RSPH6A: variants seen among roughly 807,000 people sequenced by gnomAD.
The protein encoded by RSPH6A is radial spoke head 6 homolog A.
RSPH6A carries 49 observed loss-of-function variants against 66.1 expected under a neutral mutation model. The observed-to-expected ratio is 0.74, with a 90% CI of 0.59 to 0.94. The LOEUF (loss-of-function observed/expected upper bound fraction) is 0.94. Ranked by LOEUF, RSPH6A falls within the 40% of genes least tolerant of loss-of-function variation. The probability of loss-of-function intolerance (pLI) is 0.00; values close to 1 mark genes in which losing one functional copy is unlikely to be tolerated. For synonymous variants in RSPH6A, 419 were observed against 402.4 expected (o/e 1.04, Z -0.49); for missense variants, 977 against 948.3 (o/e 1.03, Z -0.40).
intron 4 of RSPH6A, among the ~76,000 whole-genome samples, chr19:45,801,446 A>G (rs960628680): frequency 2.0e-5 from 3 of 152,108 alleles, no homozygotes; most frequent in Non-Finnish European, 2.9e-5. Flanking sequence ...AACCTTAAAA[A>G]ATTCCTGTCC....
rs1970682595 is a variant in RSPH6A, at chr19:45,814,844, G to A, written c.333C>T (p.Val111=). The A allele has an allele frequency of 6.2e-7, 1 of 1,613,958 alleles. No homozygotes were observed. The highest frequency in any genetic ancestry group is 1.7e-5 in the Admixed American group (1 of 60,004). The part of the protein sequence containing the change: ...QPYSDESRMQ[V]AELTTSLMLQ... ...GCATTAGGCTGGTGGTGAGCTCGGCGACCTGCATCCTGCTTTCATCAGAGT... is the reference window on the plus strand; with the variant it reads ...GCATTAGGCTGGTGGTGAGCTCGGCAACCTGCATCCTGCTTTCATCAGAGT... The change falls in exon 1 of 6, where the codon GTC becomes GTT. Residue 111 remains valine, a synonymous_variant. Transcript: ENST00000221538.
In RSPH6A at chr19:45,796,020, T is replaced by C. The variant is rs1334030911; in HGVS notation, c.2003A>G (p.Glu668Gly). 6.2e-7 allele frequency: 1 copy of C among 1,613,854 alleles called. No homozygotes were observed. The highest frequency in any genetic ancestry group is 1.1e-5 in the South Asian group (1 of 91,054). The change falls in exon 6 of 6, where the codon GAG (glutamate) becomes GGG (glycine). Residue 668 changes from glutamate to glycine, a missense_variant. Transcript: ENST00000221538. ...CATGATCTCTGGGCCACTGGGGTAC[T>C]CTTGTTGAATGGGGGCTGGCAGGGC... ...NPALPAPIQQ[E>G]YPSGPEIMEM...
At chr19:45,799,730 C>T (rs1970446931) in intron 5 of RSPH6A, among the ~76,000 whole-genome samples, 1 of 151,852 alleles carries the variant, frequency 6.6e-6, no homozygotes, top group African/African-American at 2.4e-5. Context: ...AGGTTTCTGC[C>T]CCATAGAGAG....
intron 2 of RSPH6A, 78 bp downstream of exon 2, chr19:45,810,525 C>G: frequency 7.3e-7 from 1 of 1,368,008 alleles, no homozygotes; most frequent in Non-Finnish European, 1.0e-6. Context: ...GCCTCCAGGC[C>G]TTGGCACAGG....
chr19:45,812,148 G>GTGGCTCGGTCT (rs1307017285), intron 1 of RSPH6A, among the ~76,000 whole-genome samples: 3 of 151,552 alleles, frequency 2.0e-5, no homozygotes, highest in Non-Finnish European at 4.4e-5. Flanking sequence ...CTGGAGTGCA[G>GTGGCTCGGTCT]TGGCTCGGTC....
Position 45,804,458 on chromosome 19 carries a change from C to T in RSPH6A, c.1447G>A (p.Ala483Thr). Residue 483 changes from alanine (A) to threonine (T), a missense_variant, in exon 3 of 6, where the codon GCC becomes ACC. Coordinates refer to ENST00000221538, the MANE Select transcript of RSPH6A (RefSeq NM_030785.4). This position sits in a 1 kb window ranked among gnomAD's most constrained non-coding sequence, Gnocchi z 5.8. ...GCGGCCGAGATGCGGGCTATCTGGG[C>T]CCGCAGGTAGTTGGCCTCGTTGCCC... ...FPGNEANYLR[A>T]QIARISAATQ... 4 of 1,614,046 alleles carry T rather than the reference C, an allele frequency of 2.5e-6. No homozygotes were observed. The highest frequency in any genetic ancestry group is 2.2e-5 in the East Asian group (1 of 44,874).
rs757972143 is a variant in RSPH6A at position 45,796,110 on chromosome 19, G to A, written c.1917-4C>T. ...GATGTAGATGTTCTCAAACTTTCTG[G>A]AGAAGCAGTGAGACACTGTGAAATT... On this transcript the variant is annotated splice_region_variant and splice_polypyrimidine_tract_variant and intron_variant, in intron 5 of 5. Transcript: ENST00000221538. 1 of 1,545,898 alleles carries A rather than the reference G, an allele frequency of 6.5e-7. No individual in the cohort carries two copies. Among genetic ancestry groups the A allele is most frequent in the Non-Finnish European group, 8.8e-7 (1 of 1,141,118 alleles).
intron 3 of RSPH6A, among the ~76,000 whole-genome samples, chr19:45,803,766 G>C (rs1314211393): frequency 6.6e-6 from 1 of 151,596 alleles, no homozygotes; most frequent in Admixed American, 6.6e-5. Context: ...GCCAAGGTAG[G>C]CAGATTGTCT....
rs753394317 is a variant in RSPH6A at position 45,804,381 on chromosome 19, G to A, written c.1524C>T (p.Asp508=). 3.8e-5 allele frequency: 62 copies of A among 1,613,836 alleles called. No homozygotes were observed. Among genetic ancestry groups the A allele is most frequent in the Non-Finnish European group, 4.8e-5 (57 of 1,179,982 alleles). ...GCCCAGCACCACCTTCCTCCTCCTCGTCGCCCTCCTCCTCACTAAACTGGT... is the reference window on the plus strand; with the variant it reads ...GCCCAGCACCACCTTCCTCCTCCTCATCGCCCTCCTCCTCACTAAACTGGT... ...GFYQFSEEEG[D]EEEEGGAGRD... is the part of the protein sequence containing the mutation. The change falls in exon 3 of 6, where the codon GAC becomes GAT. Residue 508 remains aspartate (D), a synonymous_variant. Transcript: ENST00000221538. The surrounding 1 kb of genome is among the most constrained non-coding windows in gnomAD (Gnocchi z 5.8).
chr19:45,802,004 G>A, intron 4 of RSPH6A, 116 bp downstream of exon 4: 2 of 1,062,172 alleles, frequency 1.9e-6, no homozygotes, highest in East Asian at 6.1e-5. Context: ...AGCTGAGAGA[G>A]CCTCTGAGCC....
At position 45,804,311 on chromosome 19, in the gene RSPH6A, G is replaced by A; in HGVS notation, c.1594C>T (p.Leu532=). ...ENPDFEGIPV[L]ELVDSMANWV... ...TTGGCCATGGAGTCGACCAGCTCCA[G>A]CACGGGGATGCCCTCGAAGTCCGGG... is the stretch of plus-strand genomic sequence containing the variant. Residue 532 remains leucine (L), a synonymous_variant, in exon 3 of 6, where the codon CTG becomes TTG. Transcript: ENST00000221538. This position sits in a 1 kb window ranked among gnomAD's most constrained non-coding sequence, Gnocchi z 5.8. 3 of 1,614,140 alleles carry A rather than the reference G, an allele frequency of 1.9e-6. No homozygotes were observed. Among genetic ancestry groups the A allele is most frequent in the Non-Finnish European group, 2.5e-6 (3 of 1,180,020 alleles).
chr19:45,797,874 T>TA lies in RSPH6A; in HGVS notation c.1917-1769dup, dbSNP rs959579171. On this transcript the variant is annotated intron_variant, in intron 5 of 5. Coordinates refer to ENST00000221538, the MANE Select transcript of RSPH6A (RefSeq NM_030785.4). ...CACAGCGAGACTCCATTTCAAAAAA[T>TA]AAAAAAAAAATCCCTGGGTTGTGCC... is the stretch of plus-strand genomic sequence containing the variant. Among the ~76,000 whole-genome samples the TA allele has an allele frequency of 4.3e-4, 63 of 146,188 alleles. No individual in the cohort carries two copies. In the South Asian group the frequency reaches 5.2e-3, roughly 12 times the overall value.
rs1491172653 is a variant in RSPH6A, at chr19:45,800,774, A to ACACTCT, written c.1799-212_1799-211insAGAGTG. On this transcript the variant is annotated intron_variant, in intron 4 of 5. Transcript: ENST00000221538. ...CACACACACACACACACACACACAC[A>ACACTCT]CTCTCTCTCTCTCTCTCGCTCTCTT... Among the ~76,000 whole-genome samples the ACACTCT allele has an allele frequency of 4.0e-3, 415 of 105,056 alleles. 2 individuals carry two copies. Among genetic ancestry groups the ACACTCT allele is most frequent in the Middle Eastern group, 5.3e-3 (1 of 188 alleles). The allele number at this position is 105,056 out of a possible 152,430, so 68.9% of individuals were successfully genotyped here.
rs1191340867 is a variant in RSPH6A, at chr19:45,810,662, C to G, written c.829G>C (p.Ala277Pro). The G allele has an allele frequency of 6.2e-7, 1 of 1,614,144 alleles. No homozygotes were observed. The highest frequency in any genetic ancestry group is 1.1e-5 in the South Asian group (1 of 91,076). Residue 277 changes from alanine to proline, a missense_variant, in exon 2 of 6, where the codon GCG becomes CCG. Coordinates refer to ENST00000221538, the MANE Select transcript of RSPH6A (RefSeq NM_030785.4). ...PTYKMAEKQK[A>P]LFTRSGGGTE... ...CCGCCTCCACTCCGGGTGAACAGCG[C>G]CTTCTGTTTCTCCGCCATCTTGTAG...
At chr19:45,814,478 C>T (rs1204800178) in intron 1 of RSPH6A, 49 bp downstream of exon 1, 14 of 1,440,884 alleles carry the variant, frequency 9.7e-6, no homozygotes, top group South Asian at 1.6e-5. Flanking sequence ...CGGGTGGGGC[C>T]CCTCCCTGCC....
chr19:45,798,785 G>A (rs1448206875), intron 5 of RSPH6A, among the ~76,000 whole-genome samples: 5 of 146,672 alleles, frequency 3.4e-5, no homozygotes, highest in Non-Finnish European at 6.0e-5. Flanking sequence ...GTTGCAGTGA[G>A]CCGAGATCGC....
intron 1 of RSPH6A, among the ~76,000 whole-genome samples, chr19:45,811,118 C>T (rs929046167): frequency 1.3e-5 from 2 of 152,160 alleles, no homozygotes; most frequent in Non-Finnish European, 2.9e-5. Flanking sequence ...CTCAGCCTCC[C>T]GAGTAGCTGG....
chr19:45,804,345 G>T lies in RSPH6A; in HGVS notation c.1560C>A (p.Tyr520Ter). 1 of 1,614,190 alleles carries T rather than the reference G, an allele frequency of 6.2e-7. No individual in the cohort carries two copies. The highest frequency in any genetic ancestry group is 8.5e-7 in the Non-Finnish European group (1 of 1,180,036). The change falls in exon 3 of 6, where the codon TAC (tyrosine) becomes TAA (stop). Residue 520 changes from tyrosine to a stop codon, truncating the protein, a stop_gained. Transcript: ENST00000221538. LOFTEE classifies it high-confidence loss of function. This position sits in a 1 kb window ranked among gnomAD's most constrained non-coding sequence, Gnocchi z 5.8. ...EEEGGAGRDSYEENPDFEGIP... is the reference protein window; with the variant it reads ...EEEGGAGRDS ...TGCCCTCGAAGTCCGGGTTCTCCTCGTAGGAGTCGCGCCCAGCACCACCTT... is the reference window on the plus strand; with the variant it reads ...TGCCCTCGAAGTCCGGGTTCTCCTCTTAGGAGTCGCGCCCAGCACCACCTT...
chr19:45,810,728 T>C lies in RSPH6A; in HGVS notation c.763A>G (p.Lys255Glu). The C allele has an allele frequency of 3.7e-6, 6 of 1,614,106 alleles. No individual in the cohort carries two copies. Among genetic ancestry groups the C allele is most frequent in the Non-Finnish European group, 5.1e-6 (6 of 1,180,000 alleles). The change falls in exon 2 of 6, where the codon AAG becomes GAG. Residue 255 changes from lysine to glutamate, a missense_variant. Coordinates refer to ENST00000221538, the MANE Select transcript of RSPH6A (RefSeq NM_030785.4). Reference protein sequence around the residue: ...RTTQWEWFHPKLDTLRDDPEM... With the variant: ...RTTQWEWFHPELDTLRDDPEM... ...GGGTCGTCCCGCAGCGTGTCCAGCT[T>C]GGGGTGGAACCACTCCCACTGCGTG... is the stretch of plus-strand genomic sequence containing the variant.
Sources: allele counts gnomAD v4.1 joint callset (sites outside exome capture counted in the v4.1 genomes callset), GRCh38; gene constraint gnomAD v4.1.1; non-coding constraint Gnocchi (gnomAD v3.1); transcripts MANE v1.5; gene names NCBI Gene and HGNC (gene_info 2026-07-23, HGNC 2026-07-21).